The following WWOX variants were observed in gnomAD, a reference collection of about 807,000 sequenced individuals.
The protein encoded by WWOX is WW domain containing oxidoreductase.
Under a neutral mutation model 46.2 loss-of-function variants are expected in WWOX, and 69 were observed. That is an observed-to-expected ratio of 1.49 (90% CI 1.23 to 1.82). The LOEUF is 1.82. WWOX is among the 40% of genes most tolerant of loss of function. The pLI is 0.00. For missense variants in WWOX, 919 were observed against 542.6 expected (o/e 1.69, Z -6.89); for synonymous variants, 359 against 202.6 (o/e 1.77, Z -6.56).
At position 79,001,599 on chromosome 16, in the gene WWOX, T is replaced by C. The variant is rs111829102; in HGVS notation, c.1057-210009T>C. ...AAGTTTTGCCCCTTATACATTAAGG[T>C]GCATGCAATAAATCACTTATGTAAT... On this transcript the variant is annotated intron_variant, in intron 8 of 8. Coordinates refer to ENST00000566780, the MANE Select transcript of WWOX (RefSeq NM_016373.4). Among the ~76,000 whole-genome samples the C allele has an allele frequency of 7.4e-3, 1,118 of 151,788 alleles. 12 individuals are homozygous for C. The highest frequency in any genetic ancestry group is 0.026 in the African/African-American group (1,066 of 41,352).
At chr16:78,582,863 G>A (rs145534704) in intron 8 of WWOX, among the ~76,000 whole-genome samples, 1,733 of 152,264 alleles carry the variant, frequency 0.011, 28 homozygotes, top group Middle Eastern at 0.051. Flanking sequence ...CCCTTCTAGT[G>A]ATGTACCGGG....
At chr16:78,602,152 G>C (rs2045636839) in intron 8 of WWOX, among the ~76,000 whole-genome samples, 1 of 152,202 alleles carries the variant, frequency 6.6e-6, no homozygotes, top group Non-Finnish European at 1.5e-5. Context: ...TCTTTAGTCA[G>C]AGCATAGAGG....
intron 8 of WWOX, among the ~76,000 whole-genome samples, chr16:79,151,989 G>T (rs1007242434): frequency 6.6e-6 from 1 of 152,186 alleles, no homozygotes; most frequent in Non-Finnish European, 1.5e-5. Context: ...TCTCTGTTAC[G>T]AAGGGGGAAC....
intron 8 of WWOX, among the ~76,000 whole-genome samples, chr16:78,831,329 G>C (rs908236473): frequency 6.6e-6 from 1 of 152,152 alleles, no homozygotes; most frequent in Non-Finnish European, 1.5e-5. Flanking sequence ...AGTAGCCCCT[G>C]ACCAGCCTCC....
intron 8 of WWOX, among the ~76,000 whole-genome samples, chr16:78,622,731 G>A (rs1476564758): frequency 6.6e-6 from 1 of 152,054 alleles, no homozygotes; most frequent in African/African-American, 2.4e-5. Flanking sequence ...ATAATAGGAT[G>A]TAACTGTTTA....
intron 8 of WWOX, among the ~76,000 whole-genome samples, chr16:78,721,166 A>G (rs74376471): frequency 0.018 from 2,814 of 152,298 alleles, 82 homozygotes; most frequent in African/African-American, 0.064. Context: ...ATGTCCCACA[A>G]TTGGCAAGTG....
At chr16:78,895,805 T>C (rs973059304) in intron 8 of WWOX, 15 of 152,364 alleles carry the variant, frequency 9.8e-5, no homozygotes, top group African/African-American at 3.6e-4. Flanking sequence ...TTAAGAACAA[T>C]GTCAACTGAC....
At chr16:78,429,253 G>C (rs1001574839) in intron 7 of WWOX, among the ~76,000 whole-genome samples, 4 of 152,204 alleles carry the variant, frequency 2.6e-5, no homozygotes, top group Non-Finnish European at 5.9e-5. Context: ...ATGGCACAGT[G>C]AGCCTTTTCA....
intron 6 of WWOX, among the ~76,000 whole-genome samples, chr16:78,391,492 TGCAC>T (rs2151937581): frequency 6.6e-6 from 1 of 152,314 alleles, no homozygotes; most frequent in Non-Finnish European, 1.5e-5. Flanking sequence ...TTTGTTACTT[TGCAC>T]ACTTCAGTCA....
intron 8 of WWOX, among the ~76,000 whole-genome samples, chr16:78,576,686 G>A (rs375157459): frequency 6.6e-6 from 1 of 152,110 alleles, no homozygotes; most frequent in African/African-American, 2.4e-5. Context: ...AAAAATATTA[G>A]CTGGGCATGA....
intron 8 of WWOX, among the ~76,000 whole-genome samples, chr16:79,025,624 C>A (rs559034558): frequency 2.6e-5 from 4 of 152,186 alleles, no homozygotes; most frequent in South Asian, 4.2e-4. Context: ...CTTCTCACAC[C>A]TAGACTTTAG....
chr16:78,189,659 A>G (rs2035819334), intron 5 of WWOX, among the ~76,000 whole-genome samples: 1 of 152,010 alleles, frequency 6.6e-6, no homozygotes, highest in Non-Finnish European at 1.5e-5. Context: ...TAATTAATTA[A>G]CTTATTTATT....
At chr16:78,386,571 GC>G (rs1381737489) in intron 5 of WWOX, among the ~76,000 whole-genome samples, 2 of 152,056 alleles carry the variant, frequency 1.3e-5, no homozygotes, top group Admixed American at 1.3e-4. Context: ...GATAACGTTA[GC>G]CCGAAGCGCC....
intron 8 of WWOX, among the ~76,000 whole-genome samples, chr16:79,197,442 T>C (rs968098120): frequency 8.5e-5 from 13 of 152,160 alleles, no homozygotes; most frequent in African/African-American, 2.9e-4. Context: ...TGGCAGACAC[T>C]GTGAATCAAA....
chr16:78,639,332 G>A (rs188064605), intron 8 of WWOX, among the ~76,000 whole-genome samples: 138 of 152,268 alleles, frequency 9.1e-4, no homozygotes, highest in Non-Finnish European at 1.6e-3. Flanking sequence ...CCGGCACCTG[G>A]GCTCACACCT....
intron 5 of WWOX, among the ~76,000 whole-genome samples, chr16:78,244,517 C>T (rs77641249): frequency 1.3e-5 from 2 of 152,142 alleles, no homozygotes; most frequent in African/African-American, 2.4e-5. Context: ...CATTGCATCT[C>T]CCCAAGATTT....
chr16:78,589,713 C>G (rs915426387), intron 8 of WWOX, among the ~76,000 whole-genome samples: 2 of 152,170 alleles, frequency 1.3e-5, no homozygotes, highest in Non-Finnish European at 2.9e-5. Flanking sequence ...GAAGGTAAAA[C>G]TGTAGCTTAC....
chr16:78,228,597 C>T (rs1467658026), intron 5 of WWOX, among the ~76,000 whole-genome samples: 1 of 152,216 alleles, frequency 6.6e-6, no homozygotes, highest in Non-Finnish European at 1.5e-5. Flanking sequence ...CCACCTTGGC[C>T]TCCCAAAGTG....
chr16:78,848,247 C>T (rs910074110), intron 8 of WWOX, among the ~76,000 whole-genome samples: 18 of 152,150 alleles, frequency 1.2e-4, no homozygotes, highest in African/African-American at 3.4e-4. Context: ...ACTTTGTACA[C>T]CGTGGGCTCC....
Sources: gnomAD v4.1 joint callset for allele counts (sites outside exome capture counted in the v4.1 genomes callset) on GRCh38, gnomAD v4.1.1 for gene constraint, MANE v1.5 for transcripts, NCBI Gene and HGNC (gene_info 2026-07-23, HGNC 2026-07-21) for gene names.